The following MTMR14 variants were observed in gnomAD, a reference collection of about 807,000 sequenced individuals.
MTMR14 encodes the protein myotubularin related protein 14.
A neutral mutation model predicts 86.3 loss-of-function variants in MTMR14; 48 were observed. The ratio of observed to expected loss-of-function variants is 0.56; its 90% CI spans 0.44 to 0.71. MTMR14 has a LOEUF of 0.71. MTMR14 is among the 30% of genes least tolerant of loss of function. The pLI is 0.00. For missense variants in MTMR14, 780 were observed against 834.6 expected (o/e 0.93, Z 0.81); for synonymous variants, 366 against 326.1 (o/e 1.12, Z -1.32).
At position 9,677,421 on chromosome 3, in the gene MTMR14, T is replaced by G; in HGVS notation, c.822+34T>G. On this transcript the variant is annotated intron_variant, in intron 8 of 18. Transcript: ENST00000296003. This position sits in a 1 kb window ranked among gnomAD's most constrained non-coding sequence, Gnocchi z 4.2. ...AATAACATACATCAAATTGGATCTA[T>G]GTCTCTTTGTAAAGGGAGGCCAAGG... is the stretch of plus-strand genomic sequence containing the variant. The G allele has an allele frequency of 6.3e-7, 1 of 1,588,068 alleles. No homozygotes were observed. The highest frequency in any genetic ancestry group is 8.6e-7 in the Non-Finnish European group (1 of 1,156,398).
intron 9 of MTMR14, among the ~76,000 whole-genome samples, chr3:9,678,294 T>G (rs987981780): frequency 6.6e-6 from 1 of 152,218 alleles, no homozygotes; most frequent in Non-Finnish European, 1.5e-5. Context: ...ATTCAAAGAT[T>G]TGCATCCACC....
In MTMR14 at chr3:9,671,094, A is replaced by G. The variant is rs1168529850; in HGVS notation, c.601A>G (p.Lys201Glu). The change falls in exon 6 of 19, where the codon AAG becomes GAG. Residue 201 changes from lysine to glutamate, a missense_variant. Lys to Glu is a moderately conservative substitution (Grantham distance 56). Transcript: ENST00000296003. Reference sequence around the variant, plus strand: ...TGATAAGGTCAGAGGCTATGACATCAAGCTGCTTCGATACCTGTCAGTCAA... The same window carrying G: ...TGATAAGGTCAGAGGCTATGACATCGAGCTGCTTCGATACCTGTCAGTCAA... ...LFDKVRGYDIKLLRYLSVKYI... is the reference protein window; with the variant it reads ...LFDKVRGYDIELLRYLSVKYI... The G allele has an allele frequency of 6.2e-7, 1 of 1,614,204 alleles. No individual in the cohort carries two copies. The highest frequency in any genetic ancestry group is 1.1e-5 in the South Asian group (1 of 91,082).
rs2047430403 is a variant in MTMR14, at chr3:9,653,552, T to C, written c.160-69T>C. On this transcript the variant is annotated intron_variant, in intron 1 of 18. Coordinates refer to ENST00000296003, the MANE Select transcript of MTMR14 (RefSeq NM_001077525.3). ...TCTTTCCCAGTGACCTCTTAGGCCA[T>C]GGACCTCCTAATTCTCACCCTCAGA... is the stretch of plus-strand genomic sequence containing the variant. 3 of 1,604,560 alleles carry C rather than the reference T, an allele frequency of 1.9e-6. No individual in the cohort carries two copies. In the Admixed American group the frequency reaches 5.0e-5, roughly 27 times the overall value.
In MTMR14 at chr3:9,701,392, C is replaced by T. The variant is rs1203812753; in HGVS notation, c.1770-398C>T. 8 of 307,800 alleles carry T rather than the reference C, an allele frequency of 2.6e-5. No individual in the cohort carries two copies. The highest frequency in any genetic ancestry group is 1.1e-3 in the Middle Eastern group (1 of 900). 19.1% of individuals were successfully genotyped at this position (307,800 alleles called of 1,614,324 possible). A position where few individuals can be genotyped will look rare whatever the true frequency, so the allele number is the denominator to read the frequency against. ...CCAGCCTGGGCAACATGGTAAAACC[C>T]TATCATGGTGGCATGTGCCTGTAGT... On this transcript the variant is annotated intron_variant, in intron 18 of 18. Transcript: ENST00000296003. The surrounding 1 kb of genome is among the most constrained non-coding windows in gnomAD (Gnocchi z 4.2).
In MTMR14 at chr3:9,677,426, C is replaced by G. The variant is rs2075619782; in HGVS notation, c.822+39C>G. The G allele has an allele frequency of 1.9e-6, 3 of 1,573,888 alleles. No homozygotes were observed. ...CATACATCAAATTGGATCTATGTCT[C>G]TTTGTAAAGGGAGGCCAAGGAGAAC... On this transcript the variant is annotated intron_variant, in intron 8 of 18. Transcript: ENST00000296003. The surrounding 1 kb of genome is among the most constrained non-coding windows in gnomAD (Gnocchi z 4.2).
chr3:9,672,629 G>C, intron 6 of MTMR14, 56 bp from the exon 7 acceptor site: 10 of 1,383,244 alleles, frequency 7.2e-6, no homozygotes, highest in South Asian at 6.9e-5. Flanking sequence ...TTGGGGAATG[G>C]TGTGTGTTTG....
chr3:9,683,374 G>A (rs2075833820), intron 10 of MTMR14, 130 bp downstream of exon 10: 2 of 853,076 alleles, frequency 2.3e-6, no homozygotes, highest in Non-Finnish European at 3.9e-6. Flanking sequence ...AATTTGGGGA[G>A]TTCCTAGAAT....
At chr3:9,695,817 C>T (rs9845191) in intron 17 of MTMR14, among the ~76,000 whole-genome samples, 14,604 of 152,184 alleles carry the variant, frequency 0.096, 1,217 homozygotes, top group African/African-American at 0.21. Flanking sequence ...GAACAATAGA[C>T]GAGATTTGTG....
intron 1 of MTMR14, chr3:9,650,538 C>A (rs917041520): frequency 1.4e-5 from 5 of 356,598 alleles, no homozygotes; most frequent in Non-Finnish European, 2.3e-5. Flanking sequence ...CCGTGAGTTG[C>A]TATTCTGTAG....
intron 17 of MTMR14, among the ~76,000 whole-genome samples, chr3:9,692,053 T>A (rs2076153924): frequency 6.6e-6 from 1 of 152,226 alleles, no homozygotes; most frequent in Admixed American, 6.5e-5. Context: ...TTAAAATTAA[T>A]TTAGTCTCTT....
Position 9,689,054 on chromosome 3 carries a change from C to G in MTMR14, c.1405C>G (p.Pro469Ala). The change falls in exon 16 of 19, where the codon CCA (proline) becomes GCA (alanine). Residue 469 changes from proline to alanine, a missense_variant. Physicochemically the swap from Pro to Ala is conservative, Grantham distance 27 (BLOSUM62 -1). Coordinates refer to ENST00000296003, the MANE Select transcript of MTMR14 (RefSeq NM_001077525.3). ...CACCTATGAGGCCGTGGAGCTGGTC[C>G]CAGCAGGAGCGCCAACTCAGGCAGC... The part of the protein sequence containing the change: ...SFTYEAVELV[P>A]AGAPTQAAWR... The G allele has an allele frequency of 6.2e-7, 1 of 1,613,090 alleles. No homozygotes were observed.
In MTMR14 at chr3:9,698,675, G is replaced by A. The variant is rs547962814; in HGVS notation, c.1769+809G>A. On this transcript the variant is annotated intron_variant, in intron 18 of 18. Transcript: ENST00000296003. ...GAGGCAGGGTGCCTTGGGGAGTTGG[G>A]AAGGGAAAGGGGGCCCTGGATCCTA... 1.3e-3 allele frequency among the ~76,000 whole-genome samples: 191 copies of A among 152,276 alleles called. 1 individual carries two copies. The highest frequency in any genetic ancestry group is 4.4e-3 in the African/African-American group (182 of 41,562).
At chr3:9,689,491 A>T (rs1190756204) in intron 16 of MTMR14, among the ~76,000 whole-genome samples, 1 of 152,170 alleles carries the variant, frequency 6.6e-6, no homozygotes, top group African/African-American at 2.4e-5. Flanking sequence ...ATCTCATGAA[A>T]TTGAGACCCT....
At chr3:9,700,474 T>C (rs1051565207) in intron 18 of MTMR14, 1 of 152,158 alleles carries the variant, frequency 6.6e-6, no homozygotes, top group Admixed American at 6.5e-5. Context: ...CACAGCCTCA[T>C]GTGGAGTCAT....
At chr3:9,671,706 T>C (rs1222526277) in intron 6 of MTMR14, among the ~76,000 whole-genome samples, 3 of 152,190 alleles carry the variant, frequency 2.0e-5, no homozygotes, top group Non-Finnish European at 2.9e-5. Flanking sequence ...AAATTTTACT[T>C]CAGTGACTGC....
chr3:9,678,128 C>A, intron 9 of MTMR14, 70 bp downstream of exon 9: 1 of 1,485,844 alleles, frequency 6.7e-7, no homozygotes, highest in Non-Finnish European at 9.3e-7. Flanking sequence ...TTGATGCCTG[C>A]CCCACAAGGC....
intron 6 of MTMR14, among the ~76,000 whole-genome samples, chr3:9,672,056 A>G (rs1320253149): frequency 4.6e-5 from 7 of 152,170 alleles, no homozygotes; most frequent in Admixed American, 2.0e-4. Context: ...GCAGAAAAAA[A>G]GGGTTCCCAT....
chr3:9,673,936 A>G (rs1033264502), intron 7 of MTMR14, among the ~76,000 whole-genome samples: 7 of 152,000 alleles, frequency 4.6e-5, no homozygotes, highest in African/African-American at 1.5e-4. Context: ...GATGGTGGTG[A>G]TGATGTTGAT....
rs1466539981 is a variant in MTMR14, at chr3:9,701,128, A to G, written c.1770-662A>G. The G allele has an allele frequency of 6.5e-6, 1 of 153,222 alleles. No homozygotes were observed. The highest frequency in any genetic ancestry group is 1.5e-5 in the Non-Finnish European group (1 of 68,792). 9.5% of individuals were successfully genotyped at this position (153,222 alleles called of 1,614,324 possible). A position where few individuals can be genotyped will look rare whatever the true frequency, so the allele number is the denominator to read the frequency against. On this transcript the variant is annotated intron_variant, in intron 18 of 18. Coordinates refer to ENST00000296003, the MANE Select transcript of MTMR14 (RefSeq NM_001077525.3). This position sits in a 1 kb window ranked among gnomAD's most constrained non-coding sequence, Gnocchi z 4.2. ...CAGCTGCAGCGTGCTGCCAGATTTC[A>G]GGGGCCTCCTTACTGTTAGGTATAA...
Sources: gnomAD v4.1 joint callset for allele counts (sites outside exome capture counted in the v4.1 genomes callset) on GRCh38, gnomAD v4.1.1 for gene constraint, Gnocchi (gnomAD v3.1) non-coding constraint, MANE v1.5 for transcripts, NCBI Gene and HGNC (gene_info 2026-07-23, HGNC 2026-07-21) for gene names.